NEK5: variants seen among roughly 807,000 people sequenced by gnomAD.
The protein encoded by NEK5 is serine/threonine-protein kinase Nek5.
NEK5 carries 88 observed loss-of-function variants against 109.2 expected under a neutral mutation model. That is an observed-to-expected ratio of 0.81 (90% CI 0.68 to 0.96). NEK5 has a LOEUF of 0.96. NEK5 is among the 40% of genes least tolerant of loss of function. The pLI is 0.00. For missense variants in NEK5, 834 were observed against 920.7 expected (o/e 0.91, Z 1.22); for synonymous variants, 283 against 299.9 (o/e 0.94, Z 0.58).
chr13:52,077,093 C>G (rs1954882852), intron 17 of NEK5, among the ~76,000 whole-genome samples: 1 of 152,186 alleles, frequency 6.6e-6, no homozygotes, highest in South Asian at 2.1e-4. Flanking sequence ...TGGACCTTGG[C>G]ATATGCCAGT....
chr13:52,080,999 A>C (rs1027654024), intron 17 of NEK5, among the ~76,000 whole-genome samples: 17 of 150,976 alleles, frequency 1.1e-4, no homozygotes, highest in Admixed American at 9.3e-4. Flanking sequence ...AAAAAAAAAA[A>C]AGGTAATCTG....
At chr13:52,100,102 A>C (rs1165937697) in intron 11 of NEK5, among the ~76,000 whole-genome samples, 1 of 152,212 alleles carries the variant, frequency 6.6e-6, no homozygotes, top group African/African-American at 2.4e-5. Flanking sequence ...TTCTAGTAAT[A>C]TATAACATCA....
intron 23 of NEK5, among the ~76,000 whole-genome samples, chr13:52,044,400 T>C (rs1220954487): frequency 6.6e-6 from 1 of 152,162 alleles, no homozygotes; most frequent in Non-Finnish European, 1.5e-5. Context: ...ATACAGAATA[T>C]ACACAAATAT....
At chr13:52,126,497 G>T (rs1260445638) in intron 3 of NEK5, among the ~76,000 whole-genome samples, 1 of 152,222 alleles carries the variant, frequency 6.6e-6, no homozygotes, top group Admixed American at 6.5e-5. Context: ...AATAAACCAG[G>T]CCAGAAGCAG....
At chr13:52,087,280 CA>C in intron 15 of NEK5, 57 bp downstream of exon 15, 1 of 889,096 alleles carries the variant, frequency 1.1e-6, no homozygotes, top group Non-Finnish European at 1.9e-6. Flanking sequence ...TATTACAGTA[CA>C]AAAGACAGTA....
intron 9 of NEK5, 46 bp from the exon 10 acceptor site, chr13:52,102,338 A>G (rs761152507): frequency 1.4e-6 from 2 of 1,387,826 alleles, no homozygotes; most frequent in African/African-American, 1.4e-5. Context: ...AAAAGTTACT[A>G]AAGTAACAAA....
At chr13:52,114,578 A>T (rs765208171) in intron 4 of NEK5, among the ~76,000 whole-genome samples, 9 of 152,204 alleles carry the variant, frequency 5.9e-5, no homozygotes, top group Non-Finnish European at 8.8e-5. Flanking sequence ...TAGGAATAAA[A>T]AGCAAAGAAG....
intron 12 of NEK5, 67 bp downstream of exon 12, chr13:52,099,676 A>G: frequency 6.5e-7 from 1 of 1,544,402 alleles, no homozygotes; most frequent in Non-Finnish European, 8.8e-7. Context: ...CTCAAAACAA[A>G]CAAACAAACA....
intron 14 of NEK5, 132 bp from the exon 15 acceptor site, chr13:52,087,586 G>T: frequency 2.0e-6 from 1 of 501,488 alleles, no homozygotes; most frequent in Non-Finnish European, 3.5e-6. Context: ...TTTTTTTTGT[G>T]GTAAGTAGTA....
intron 14 of NEK5, among the ~76,000 whole-genome samples, chr13:52,087,779 C>A (rs1955182716): frequency 6.6e-6 from 1 of 152,056 alleles, no homozygotes; most frequent in East Asian, 1.9e-4. Context: ...GCACCCGCCA[C>A]CACACCCGGC....
intron 22 of NEK5, among the ~76,000 whole-genome samples, chr13:52,054,389 T>C (rs867946718): frequency 3.9e-5 from 6 of 152,364 alleles, no homozygotes; most frequent in African/African-American, 1.4e-4. Flanking sequence ...AGCACAATCA[T>C]GGCTCATGGC....
chr13:52,084,937 A>T (rs1403576822), intron 16 of NEK5, among the ~76,000 whole-genome samples: 1 of 152,108 alleles, frequency 6.6e-6, no homozygotes, highest in East Asian at 1.9e-4. Flanking sequence ...TGCCCAGCCT[A>T]GAGTCAGATA....
intron 17 of NEK5, among the ~76,000 whole-genome samples, chr13:52,080,453 G>GCA (rs1954981611): frequency 1.3e-5 from 2 of 152,180 alleles, no homozygotes; most frequent in African/African-American, 4.8e-5. Context: ...ATAGAAAGAG[G>GCA]GGAAAGGCGG....
chr13:52,112,799 T>A (rs554867341), intron 4 of NEK5, among the ~76,000 whole-genome samples: 5 of 152,206 alleles, frequency 3.3e-5, no homozygotes, highest in African/African-American at 4.8e-5. Context: ...CACTTATTTA[T>A]CTATGTTGTT....
rs267603847 is a variant in NEK5 at position 52,087,352 on chromosome 13, C to T, written c.1378G>A (p.Glu460Lys). The T allele has an allele frequency of 5.8e-6, 9 of 1,559,194 alleles. No individual in the cohort carries two copies. Among genetic ancestry groups the T allele is most frequent in the African/African-American group, 1.4e-5 (1 of 73,896 alleles). ...CAGTTTTTAACCTGTTCCTTCATTT[C>T]GTTTTTCCTAAATGGCAGCTCCTGG... ...RFQELPFRKN[E>K]MKEQEYWKQL... Residue 460 changes from glutamate (E) to lysine (K), a missense_variant, in exon 15 of 24, where the codon GAA (glutamate) becomes AAA (lysine). This residue lies in a region of NEK5 where 777 missense variants were observed against 824.7 expected (regional missense o/e 0.94). Transcript: ENST00000684899.
chr13:52,122,444 A>G (rs933802932), intron 3 of NEK5, among the ~76,000 whole-genome samples: 1 of 152,226 alleles, frequency 6.6e-6, no homozygotes. Flanking sequence ...AATATTCACA[A>G]TATATTGCTA....
chr13:52,080,034 G>C (rs1241441198), intron 17 of NEK5, among the ~76,000 whole-genome samples: 1 of 150,622 alleles, frequency 6.6e-6, no homozygotes, highest in Non-Finnish European at 1.5e-5. Flanking sequence ...CAACCGCCCC[G>C]TCTAAGAAGT....
At chr13:52,114,912 CAT>C (rs1432046876) in intron 4 of NEK5, among the ~76,000 whole-genome samples, 1 of 152,104 alleles carries the variant, frequency 6.6e-6, no homozygotes, top group Non-Finnish European at 1.5e-5. Context: ...AGAGGAGACA[CAT>C]TATTTCATCT....
At position 52,089,265 on chromosome 13, in the gene NEK5, C is replaced by A; in HGVS notation, c.1257G>T (p.Leu419Phe). The change falls in exon 14 of 24, where the codon TTG becomes TTT. Residue 419 changes from leucine (L) to phenylalanine (F), a missense_variant. Around this residue, in one of 2 missense-constraint regions of NEK5, gnomAD observed 777 missense variants for 824.7 expected, o/e 0.94. Transcript: ENST00000684899. Reference sequence around the variant, plus strand: ...TACTTACCAATTGCTTCTCCACTTTCAACTTATATTGTTGAGCTTCAAATT... The same window carrying A: ...TACTTACCAATTGCTTCTCCACTTTAAACTTATATTGTTGAGCTTCAAATT... ...QRKFEAQQYK[L>F]KVEKQLGLRP... 4 of 1,603,148 alleles carry A rather than the reference C, an allele frequency of 2.5e-6. No homozygotes were observed. The South Asian group carries it at 3.3e-5, about 13-fold the overall frequency.
Sources: gnomAD v4.1 joint callset for allele counts (sites outside exome capture counted in the v4.1 genomes callset) on GRCh38, gnomAD v4.1.1 for gene constraint, gnomAD v4.1.1 regional missense constraint, MANE v1.5 for transcripts, NCBI Gene and HGNC (gene_info 2026-07-23, HGNC 2026-07-21) for gene names.